The following HS6ST2 variants were observed in gnomAD, a reference collection of about 807,000 sequenced individuals.
The protein encoded by HS6ST2 is heparan-sulfate 6-O-sulfotransferase 2.
A neutral mutation model predicts 33.0 loss-of-function variants in HS6ST2; 17 were observed. That is an observed-to-expected ratio of 0.52 (90% CI 0.35 to 0.77). The LOEUF (loss-of-function observed/expected upper bound fraction) is 0.77, where lower values mean the gene tolerates loss of function less well. Among genes scored for constraint, HS6ST2 ranks in the 30% least tolerant of loss-of-function variants. The pLI is 0.01. For missense variants in HS6ST2, 519 were observed against 551.7 expected, an observed-to-expected ratio of 0.94 and a Z score of 0.59; for synonymous variants, 248 against 237.1, an observed-to-expected ratio of 1.05 and a Z score of -0.42.
intron 4 of HS6ST2, among the ~76,000 whole-genome samples, chrX:132,629,458 A>G (rs189270383): frequency 9.0e-6 from 1 of 111,535 alleles, no homozygotes; most frequent in African/African-American, 3.3e-5. Flanking sequence ...CTAGGCAACC[A>G]CTTTATTTCA....
chrX:132,825,868 ACTCT>A (rs1158839195), intron 2 of HS6ST2, among the ~76,000 whole-genome samples: 3 of 111,564 alleles, frequency 2.7e-5, no homozygotes, highest in Non-Finnish European at 5.7e-5. Context: ...AAGCTAATCT[ACTCT>A]CTGTGTCACA....
intron 2 of HS6ST2, among the ~76,000 whole-genome samples, chrX:132,738,646 A>G (rs760433662): frequency 1.8e-5 from 2 of 112,257 alleles, no homozygotes; most frequent in South Asian, 7.4e-4. Context: ...GCAGCAGTTT[A>G]TGAAAACAAC....
intron 3 of HS6ST2, among the ~76,000 whole-genome samples, chrX:132,683,110 T>C (rs2063986577): frequency 9.0e-6 from 1 of 110,572 alleles, no homozygotes; most frequent in African/African-American, 3.3e-5. Context: ...TGAGACCCTG[T>C]CTCAATCAAT....
At chrX:132,639,105 T>C (rs955712349) in intron 4 of HS6ST2, among the ~76,000 whole-genome samples, 1 of 112,397 alleles carries the variant, frequency 8.9e-6, no homozygotes, top group African/African-American at 3.2e-5. Context: ...ATAAAGAAGA[T>C]TTCTAATGCC....
chrX:132,732,225 T>C (rs192974754), intron 2 of HS6ST2, among the ~76,000 whole-genome samples: 58 of 111,930 alleles, frequency 5.2e-4, no homozygotes, highest in African/African-American at 1.8e-3. Context: ...CCATTTCTTA[T>C]TGGTTTCAAA....
intron 2 of HS6ST2, among the ~76,000 whole-genome samples, chrX:132,732,558 T>C (rs1476200198): frequency 1.8e-5 from 2 of 111,397 alleles, no homozygotes; most frequent in Non-Finnish European, 3.8e-5. Flanking sequence ...AATTGAATCA[T>C]GGGGCTGGTT....
At chrX:132,904,081 C>A (rs1158384895) in intron 2 of HS6ST2, among the ~76,000 whole-genome samples, 1 of 111,828 alleles carries the variant, frequency 8.9e-6, no homozygotes, top group Non-Finnish European at 1.9e-5. Flanking sequence ...TATCTTCTTG[C>A]TGCTTGCTAC....
chrX:132,958,176 T>A lies in HS6ST2; in HGVS notation c.427A>T (p.Ser143Cys). 8.8e-7 allele frequency: 1 copy of A among 1,139,036 alleles called. No homozygotes were observed. Among genetic ancestry groups the A allele is most frequent in the South Asian group, 2.1e-5 (1 of 48,552 alleles). 93.9% of individuals were successfully genotyped at this position (1,139,036 alleles called of 1,213,427 possible). A position where few individuals can be genotyped will look rare whatever the true frequency, so the allele number is the denominator to read the frequency against. ...IFSKIFGPMA[S>C]VGNMDEKSNK... ...ACCCCGCTTTCACCTAGAACGTACC[T>A]GGCCATGGGGCCGAAAATCTTGGAG... The change falls in exon 1 of 5, where the codon AGC becomes TGC. Residue 143 changes from serine to cysteine, a missense_variant and splice_region_variant. Physicochemically the swap from Ser to Cys is moderately radical, Grantham distance 112. Coordinates refer to ENST00000370833, the MANE Select transcript of HS6ST2 (RefSeq NM_001394073.1).
chrX:132,643,690 T>A (rs1054730232), intron 4 of HS6ST2, among the ~76,000 whole-genome samples: 1 of 111,467 alleles, frequency 9.0e-6, no homozygotes, highest in Non-Finnish European at 1.9e-5. Flanking sequence ...ACCCTTAAGA[T>A]GACCAATGAA....
Position 132,626,285 on chromosome X carries a change from C to T in HS6ST2, c.*1938G>A, listed in dbSNP as rs766384533. 8.9e-6 allele frequency: 1 copy of T among 112,752 alleles called. No individual in the cohort carries two copies. The highest frequency in any genetic ancestry group is 1.9e-5 in the Non-Finnish European group (1 of 53,285). 9.3% of individuals were successfully genotyped at this position (112,752 alleles called of 1,213,427 possible). On this transcript the variant is annotated 3_prime_UTR_variant, in exon 5 of 5. Coordinates refer to ENST00000370833, the MANE Select transcript of HS6ST2 (RefSeq NM_001394073.1). ...CTTTTCCACTGGCTCAGGCTTCATC[C>T]TGCTTTCCAACAATACCTATCAGTT...
At chrX:132,751,756 CA>C (rs1488682476) in intron 2 of HS6ST2, among the ~76,000 whole-genome samples, 4 of 112,542 alleles carry the variant, frequency 3.6e-5, no homozygotes, top group Admixed American at 2.8e-4. Context: ...ATGTATTAAC[CA>C]GCACGAAGGA....
chrX:132,635,088 T>A (rs2063543560), intron 4 of HS6ST2, among the ~76,000 whole-genome samples: 2 of 111,955 alleles, frequency 1.8e-5, no homozygotes, highest in African/African-American at 6.5e-5. Flanking sequence ...CAATGCACAG[T>A]GAACCTGCTT....
At chrX:132,945,664 A>T (rs1217351627) in intron 2 of HS6ST2, among the ~76,000 whole-genome samples, 1 of 110,411 alleles carries the variant, frequency 9.1e-6, no homozygotes, top group Non-Finnish European at 1.9e-5. Flanking sequence ...ACCATGGAAT[A>T]CTATGCAGCC....
intron 2 of HS6ST2, among the ~76,000 whole-genome samples, chrX:132,947,423 C>T (rs1192762866): frequency 9.0e-6 from 1 of 110,788 alleles, no homozygotes; most frequent in Non-Finnish European, 1.9e-5. Flanking sequence ...GCTCTGCCAA[C>T]TTTTGCTTTA....
intron 2 of HS6ST2, among the ~76,000 whole-genome samples, chrX:132,820,168 A>G (rs1160185325): frequency 9.3e-6 from 1 of 107,329 alleles, no homozygotes; most frequent in Non-Finnish European, 1.9e-5. Context: ...CCTGAGGTCT[A>G]TTGAAGGCAA....
At chrX:132,905,809 G>A (rs911524773) in intron 2 of HS6ST2, among the ~76,000 whole-genome samples, 1 of 111,657 alleles carries the variant, frequency 9.0e-6, no homozygotes, top group African/African-American at 3.3e-5. Context: ...TACCTCACAA[G>A]TTTAAGAATC....
At chrX:132,699,949 T>C (rs751240981) in intron 3 of HS6ST2, among the ~76,000 whole-genome samples, 2 of 112,067 alleles carry the variant, frequency 1.8e-5, no homozygotes, top group East Asian at 2.8e-4. Flanking sequence ...TATATGTCAA[T>C]ATAGAAACAA....
intron 2 of HS6ST2, among the ~76,000 whole-genome samples, chrX:132,869,503 C>T (rs1362893388): frequency 9.0e-6 from 1 of 111,604 alleles, no homozygotes; most frequent in East Asian, 2.8e-4. Flanking sequence ...TGAACATTGA[C>T]GTGAAAATCC....
chrX:132,731,725 T>C (rs1443923766), intron 2 of HS6ST2, among the ~76,000 whole-genome samples: 9 of 111,337 alleles, frequency 8.1e-5, no homozygotes, highest in African/African-American at 6.5e-5. Flanking sequence ...CGGGCACCTG[T>C]AGTCCCAGCT....
Sources: allele counts gnomAD v4.1 joint callset (sites outside exome capture counted in the v4.1 genomes callset), GRCh38; gene constraint gnomAD v4.1.1; transcripts MANE v1.5; gene names NCBI Gene and HGNC (gene_info 2026-07-23, HGNC 2026-07-21).